WDR70: variants seen among roughly 807,000 people sequenced by gnomAD.
The protein encoded by WDR70 is WD repeat domain 70.
A neutral mutation model predicts 88.6 loss-of-function variants in WDR70; 53 were observed. That is an observed-to-expected ratio of 0.60 (90% confidence interval 0.48 to 0.75). WDR70 has a LOEUF of 0.75. WDR70 is among the 30% of genes least tolerant of loss of function. The pLI, the probability that WDR70 is intolerant of heterozygous loss-of-function variation, is 0.00. For missense variants in WDR70, 610 were observed against 823.2 expected (o/e 0.74, Z 3.17); for synonymous variants, 280 against 270.0 (o/e 1.04, Z -0.36).
intron 10 of WDR70, among the ~76,000 whole-genome samples, chr5:37,618,843 G>A (rs1462039224): frequency 6.6e-6 from 1 of 152,140 alleles, no homozygotes; most frequent in Non-Finnish European, 1.5e-5. Flanking sequence ...ATAACTACAA[G>A]AAGAGAAAGG....
intron 9 of WDR70, among the ~76,000 whole-genome samples, chr5:37,549,246 T>C (rs1742076740): frequency 6.6e-6 from 1 of 152,232 alleles, no homozygotes; most frequent in South Asian, 2.1e-4. Flanking sequence ...ATTTTAACAA[T>C]ATTGATTCTT....
chr5:37,472,813 G>A (rs1416737044), intron 7 of WDR70, among the ~76,000 whole-genome samples: 1 of 152,038 alleles, frequency 6.6e-6, no homozygotes, highest in South Asian at 2.1e-4. Context: ...GTACAATTTA[G>A]ATTATTGTTT....
At chr5:37,634,959 A>G (rs776769398) in intron 10 of WDR70, among the ~76,000 whole-genome samples, 6 of 151,988 alleles carry the variant, frequency 3.9e-5, no homozygotes, top group Admixed American at 1.3e-4. Flanking sequence ...GGGGGCTTGT[A>G]TCCATGCCTA....
At chr5:37,692,862 G>A (rs921126913) in intron 10 of WDR70, among the ~76,000 whole-genome samples, 11 of 150,474 alleles carry the variant, frequency 7.3e-5, no homozygotes, top group African/African-American at 2.4e-4. Flanking sequence ...GAAGTTCTGG[G>A]CCAGGGCAAT....
In WDR70 at chr5:37,702,075, A is replaced by G. The variant is rs545136022; in HGVS notation, c.1278-874A>G. 5.9e-5 allele frequency among the ~76,000 whole-genome samples: 9 copies of G among 152,312 alleles called. No homozygotes were observed. In the South Asian group the frequency reaches 1.9e-3, roughly 32 times the overall value. ...GGCAAATTGTTCTATTTTGGTAGAA[A>G]TGAAATAATGGTCAACAGAGAAGAG... On this transcript the variant is annotated intron_variant, in intron 12 of 17. Coordinates refer to ENST00000265107, the MANE Select transcript of WDR70 (RefSeq NM_018034.4).
chr5:37,555,679 A>G (rs1742274066), intron 9 of WDR70, among the ~76,000 whole-genome samples: 1 of 151,488 alleles, frequency 6.6e-6, no homozygotes, highest in Non-Finnish European at 1.5e-5. Flanking sequence ...CTGCTGTGAT[A>G]TAGTTCTTAC....
intron 9 of WDR70, among the ~76,000 whole-genome samples, chr5:37,550,476 G>A (rs1249832590): frequency 6.6e-6 from 1 of 152,188 alleles, no homozygotes; most frequent in Non-Finnish European, 1.5e-5. Context: ...TTCTGTAAAT[G>A]TCTATTAGAT....
intron 9 of WDR70, among the ~76,000 whole-genome samples, chr5:37,557,959 T>TTTTAAAACTATTCCAC: frequency 6.8e-6 from 1 of 146,506 alleles, no homozygotes; most frequent in Admixed American, 6.8e-5. Context: ...AAAAGAGTAT[T>TTTTAAAACTATTCCAC]ATGTATATTT....
intron 9 of WDR70, among the ~76,000 whole-genome samples, chr5:37,549,534 G>A (rs1364430734): frequency 6.6e-6 from 1 of 151,944 alleles, no homozygotes; most frequent in African/African-American, 2.4e-5. Context: ...TAGTTTTTTG[G>A]TAGAGTCTTT....
At chr5:37,530,801 T>G (rs1741459920) in intron 9 of WDR70, among the ~76,000 whole-genome samples, 1 of 151,348 alleles carries the variant, frequency 6.6e-6, no homozygotes, top group Admixed American at 6.6e-5. Context: ...TCAGTTTCAT[T>G]GAGTTATGCT....
intron 2 of WDR70, among the ~76,000 whole-genome samples, chr5:37,381,327 A>G (rs1472271215): frequency 1.3e-5 from 2 of 152,178 alleles, no homozygotes; most frequent in Non-Finnish European, 2.9e-5. Context: ...CTTTTGGGGC[A>G]TTCTCCATTT....
At chr5:37,450,417 A>G (rs959708025) in intron 7 of WDR70, among the ~76,000 whole-genome samples, 18 of 152,164 alleles carry the variant, frequency 1.2e-4, no homozygotes, top group African/African-American at 3.9e-4. Context: ...CTATGTATAT[A>G]GTATATAGTG....
chr5:37,455,243 C>CTTTTT (rs544303522), intron 7 of WDR70, among the ~76,000 whole-genome samples: 17 of 123,068 alleles, frequency 1.4e-4, no homozygotes, highest in African/African-American at 2.9e-4. Flanking sequence ...TTCTTTCTTT[C>CTTTTT]TTTTTTTTTT....
At chr5:37,690,103 A>C (rs1480469122) in intron 10 of WDR70, among the ~76,000 whole-genome samples, 1 of 152,240 alleles carries the variant, frequency 6.6e-6, no homozygotes, top group African/African-American at 2.4e-5. Context: ...AGTGGAAGAA[A>C]GGGTATCAGT....
chr5:37,480,545 G>A (rs1739632235), intron 8 of WDR70, among the ~76,000 whole-genome samples: 2 of 152,252 alleles, frequency 1.3e-5, no homozygotes, highest in South Asian at 2.1e-4. Context: ...ATGTGCAGGG[G>A]AACTCCCATT....
intron 13 of WDR70, among the ~76,000 whole-genome samples, chr5:37,719,668 T>C (rs995094228): frequency 1.3e-5 from 2 of 152,112 alleles, no homozygotes; most frequent in Non-Finnish European, 2.9e-5. Context: ...GTCTGTTAAA[T>C]CAGATATGAA....
At chr5:37,546,937 ATGTG>A (rs931852321) in intron 9 of WDR70, among the ~76,000 whole-genome samples, 3 of 151,872 alleles carry the variant, frequency 2.0e-5, no homozygotes, top group Non-Finnish European at 4.4e-5. Flanking sequence ...AAAATTATGT[ATGTG>A]TTTATTTTTA....
chr5:37,537,326 G>A (rs1420857793), intron 9 of WDR70, among the ~76,000 whole-genome samples: 3 of 152,168 alleles, frequency 2.0e-5, no homozygotes, highest in Admixed American at 6.5e-5. Context: ...GTAAACATAG[G>A]AAGTGGGAAG....
intron 10 of WDR70, among the ~76,000 whole-genome samples, chr5:37,664,710 G>A (rs1745791173): frequency 6.6e-6 from 1 of 152,188 alleles, no homozygotes; most frequent in Non-Finnish European, 1.5e-5. Flanking sequence ...AGATCTCATT[G>A]TTGGGTAAGG....
Sources: gnomAD v4.1 joint callset for allele counts (sites outside exome capture counted in the v4.1 genomes callset) on GRCh38, gnomAD v4.1.1 for gene constraint, MANE v1.5 for transcripts, NCBI Gene and HGNC (gene_info 2026-07-23, HGNC 2026-07-21) for gene names.